The following UBN2 variants were observed in gnomAD, a reference collection of about 807,000 sequenced individuals.
The protein encoded by UBN2 is ubinuclein 2.
A neutral mutation model predicts 120.2 loss-of-function variants in UBN2; 35 were observed. The observed-to-expected ratio is 0.29, with a 90% CI of 0.22 to 0.39. The LOEUF (loss-of-function observed/expected upper bound fraction) is 0.39. Among genes scored for constraint, UBN2 ranks in the 10% least tolerant of loss-of-function variants. The pLI is 1.00. For missense variants in UBN2, 1,693 were observed against 1,663.2 expected, an observed-to-expected ratio of 1.02 and a Z score of -0.31; for synonymous variants, 661 against 648.7, an observed-to-expected ratio of 1.02 and a Z score of -0.29.
At chr7:139,318,141 A>G in the UBN2 span, among the ~76,000 whole-genome samples, 1 of 152,062 alleles carries the variant, frequency 6.6e-6, no homozygotes, top group African/African-American at 2.4e-5. Flanking sequence ...TGTGTAGGAC[A>G]GTTTGTCTCT....
At chr7:139,244,206 A>G (rs1221553936) in intron 2 of UBN2, among the ~76,000 whole-genome samples, 1 of 152,198 alleles carries the variant, frequency 6.6e-6, no homozygotes, top group Non-Finnish European at 1.5e-5. Context: ...GTAAGAGGAT[A>G]TATAAATACA....
chr7:139,277,711 C>T (rs576448867), intron 12 of UBN2: 5 of 152,154 alleles, frequency 3.3e-5, no homozygotes, highest in African/African-American at 9.6e-5. Context: ...TATGTACATA[C>T]GTATATGTTT....
chr7:139,241,815 T>C (rs1348945808), intron 2 of UBN2, among the ~76,000 whole-genome samples: 1 of 152,128 alleles, frequency 6.6e-6, no homozygotes, highest in Non-Finnish European at 1.5e-5. Flanking sequence ...GCCAACATGG[T>C]GAAACCTTTC....
At position 139,259,317 on chromosome 7, in the gene UBN2, A is replaced by G. The variant is rs763289157; in HGVS notation, c.852A>G (p.Lys284=). The G allele has an allele frequency of 1.2e-6, 2 of 1,614,038 alleles. No individual in the cohort carries two copies. Among genetic ancestry groups the G allele is most frequent in the South Asian group, 1.1e-5 (1 of 91,058 alleles). ...TTGAGATGAAGAAGCGGAAGCGGAA[A>G]GAGGAAGGGGAAAAGGAGAAGAAGC... ...DDIEMKKRKR[K]EEGEKEKKPR... Residue 284 remains lysine (K), a synonymous_variant, in exon 5 of 18, where the codon AAA becomes AAG. Coordinates refer to ENST00000473989, the MANE Select transcript of UBN2 (RefSeq NM_173569.4).
At chr7:139,249,525 C>G (rs577986628) in intron 2 of UBN2, among the ~76,000 whole-genome samples, 3 of 152,270 alleles carry the variant, frequency 2.0e-5, no homozygotes, top group African/African-American at 7.2e-5. Context: ...ATACAACTTA[C>G]TCATCTTTAA....
chr7:139,240,661 G>A (rs1390317169), intron 2 of UBN2, among the ~76,000 whole-genome samples: 3 of 151,744 alleles, frequency 2.0e-5, no homozygotes, highest in Non-Finnish European at 4.4e-5. Context: ...GAAATTACAG[G>A]GAGTATAAAA....
At chr7:139,289,265 A>C (rs1797875834) in intron 15 of UBN2, among the ~76,000 whole-genome samples, 1 of 152,284 alleles carries the variant, frequency 6.6e-6, no homozygotes, top group East Asian at 1.9e-4. Flanking sequence ...AGATTATCTG[A>C]TGCTTCCATT....
In UBN2 at chr7:139,266,378, C is replaced by A; in HGVS notation, c.1441C>A (p.Gln481Lys). 1 of 1,569,342 alleles carries A rather than the reference C, an allele frequency of 6.4e-7. No homozygotes were observed. The highest frequency in any genetic ancestry group is 8.7e-7 in the Non-Finnish European group (1 of 1,149,256). The change falls in exon 7 of 18, where the codon CAG becomes AAG. Residue 481 changes from glutamine to lysine, a missense_variant. Physicochemically the swap from Gln to Lys is moderately conservative, Grantham distance 53. Around this residue, in one of 5 missense-constraint regions of UBN2, gnomAD observed 178 missense variants for 204.0 expected, o/e 0.87. Transcript: ENST00000473989. ...AGAAGGAAGGAAAAAATTCTTTACA[C>A]AGGATATGAATAATATTCTTCTGGA... ...DEEGRKKFFT[Q>K]DMNNILLDIE...
At chr7:139,235,426 C>G (rs1796138696) in intron 1 of UBN2, among the ~76,000 whole-genome samples, 1 of 152,018 alleles carries the variant, frequency 6.6e-6, no homozygotes, top group South Asian at 2.1e-4. Flanking sequence ...GATGAAGTCT[C>G]ACTCTGTCTC....
chr7:139,249,129 G>A (rs1290192199), intron 2 of UBN2, among the ~76,000 whole-genome samples: 1 of 152,006 alleles, frequency 6.6e-6, no homozygotes, highest in Non-Finnish European at 1.5e-5. Flanking sequence ...GCCCTATTTA[G>A]CAAGATGTTG....
intron 12 of UBN2, chr7:139,277,031 C>G (rs541904633): frequency 6.6e-6 from 1 of 151,728 alleles, no homozygotes; most frequent in Non-Finnish European, 1.5e-5. Context: ...CCACCGCCCT[C>G]CAGCCTGGGG....
In UBN2 at chr7:139,298,846, A is replaced by G. The variant is rs1483173664; in HGVS notation, c.*1010A>G. The G allele has an allele frequency of 2.6e-5, 4 of 152,128 alleles. No individual in the cohort carries two copies. The highest frequency in any genetic ancestry group is 5.9e-5 in the Non-Finnish European group (4 of 68,028). 9.4% of individuals were successfully genotyped at this position (152,128 alleles called of 1,614,324 possible). A position where few individuals can be genotyped will look rare whatever the true frequency, so the allele number is the denominator to read the frequency against. On this transcript the variant is annotated 3_prime_UTR_variant, in exon 18 of 18. Coordinates refer to ENST00000473989, the MANE Select transcript of UBN2 (RefSeq NM_173569.4). ...GTGGTCCTTCAGGTGATTATTAGCTATTGGTATAAACAGGTAGAAGTGTAC... is the reference window on the plus strand; with the variant it reads ...GTGGTCCTTCAGGTGATTATTAGCTGTTGGTATAAACAGGTAGAAGTGTAC...
At chr7:139,291,088 C>T (rs377414007) in intron 15 of UBN2, among the ~76,000 whole-genome samples, 2 of 152,192 alleles carry the variant, frequency 1.3e-5, no homozygotes, top group Admixed American at 6.5e-5. Flanking sequence ...TAGATGGACA[C>T]GGTGGCTCAC....
In UBN2 at chr7:139,273,885, A is replaced by G. The variant is rs1554474480; in HGVS notation, c.1830-46A>G. 1.0e-5 allele frequency: 15 copies of G among 1,503,548 alleles called. No individual in the cohort carries two copies. The East Asian group carries it at 2.9e-4, about 29-fold the overall frequency. The allele number at this position is 1,503,548 out of a possible 1,614,324, so 93.1% of individuals were successfully genotyped here. A position where few individuals can be genotyped will look rare whatever the true frequency, so the allele number is the denominator to read the frequency against. ...AATCTGTATTATTGCTGCCAAATGT[A>G]TGTTCTTCTAAAAAAAGTTTCAAAT... On this transcript the variant is annotated intron_variant, in intron 10 of 17. Transcript: ENST00000473989.
chr7:139,320,236 C>T, the UBN2 span, among the ~76,000 whole-genome samples: 6 of 151,630 alleles, frequency 4.0e-5, no homozygotes, highest in East Asian at 1.9e-4. Context: ...CCAAGGCGGG[C>T]GGATCACCTG....
Position 139,284,084 on chromosome 7 carries a change from C to T in UBN2, c.3179C>T (p.Ser1060Leu). The T allele has an allele frequency of 6.2e-7, 1 of 1,614,176 alleles. No homozygotes were observed. The highest frequency in any genetic ancestry group is 8.5e-7 in the Non-Finnish European group (1 of 1,180,038). The change falls in exon 15 of 18, where the codon TCA (serine) becomes TTA (leucine). Residue 1060 changes from serine (S) to leucine (L), a missense_variant. Transcript: ENST00000473989. ...CTGCCCTCGCCTAAGCCTTCTGCCT[C>T]ACCCAAGCCCTCTCTGTCAGCTAAG... is the stretch of plus-strand genomic sequence containing the variant. ...KPLPSPKPSA[S>L]PKPSLSAKPS...
At chr7:139,311,392 CTT>C (rs1397520243), downstream of UBN2, among the ~76,000 whole-genome samples, 2 of 152,218 alleles carry the variant, frequency 1.3e-5, no homozygotes, top group African/African-American at 2.4e-5. Flanking sequence ...TCCCCATCAT[CTT>C]TTCTAGTAGG....
chr7:139,233,619 G>C (rs1796086142), intron 1 of UBN2, among the ~76,000 whole-genome samples: 1 of 152,068 alleles, frequency 6.6e-6, no homozygotes. Context: ...GATACAATTT[G>C]TTAGTAAAAC....
chr7:139,317,117 G>A, the UBN2 span, among the ~76,000 whole-genome samples: 205 of 151,768 alleles, frequency 1.4e-3, 1 homozygote, highest in Admixed American at 3.0e-3. Context: ...CAAAGTTTAG[G>A]TTTTTCCTTC....
Sources: allele counts gnomAD v4.1 joint callset (sites outside exome capture counted in the v4.1 genomes callset), GRCh38; gene constraint gnomAD v4.1.1; regional missense constraint gnomAD v4.1.1; transcripts MANE v1.5; gene names NCBI Gene and HGNC (gene_info 2026-07-23, HGNC 2026-07-21).